The following ADAMTSL1 variants were observed in gnomAD, a reference collection of about 807,000 sequenced individuals.
ADAMTSL1 encodes ADAMTS like 1.
ADAMTSL1 carries 126 observed loss-of-function variants against 201.8 expected under a neutral mutation model. The observed-to-expected ratio is 0.62, with a 90% CI of 0.54 to 0.72. The LOEUF (loss-of-function observed/expected upper bound fraction) is 0.72, where lower values mean the gene tolerates loss of function less well. ADAMTSL1 is among the 30% of genes least tolerant of loss of function. The pLI, the probability that ADAMTSL1 is intolerant of heterozygous loss-of-function variation, is 0.00. For missense variants in ADAMTSL1, 2,679 were observed against 2,277.8 expected, an observed-to-expected ratio of 1.18 and a Z score of -3.59; for synonymous variants, 1,121 against 903.4, an observed-to-expected ratio of 1.24 and a Z score of -4.32.
intron 1 of ADAMTSL1, among the ~76,000 whole-genome samples, chr9:17,985,637 CTGAA>C (rs1253755026): frequency 6.6e-6 from 1 of 152,086 alleles, no homozygotes; most frequent in African/African-American, 2.4e-5. Flanking sequence ...AATTTTTACT[CTGAA>C]TGAGCAACTT....
chr9:18,885,746 A>G (rs925073408), intron 23 of ADAMTSL1, among the ~76,000 whole-genome samples: 1 of 152,160 alleles, frequency 6.6e-6, no homozygotes, highest in African/African-American at 2.4e-5. Flanking sequence ...AGGAAAAACA[A>G]AAATGAAGGG....
chr9:18,303,676 G>T (rs1234343268), intron 2 of ADAMTSL1, among the ~76,000 whole-genome samples: 1 of 152,200 alleles, frequency 6.6e-6, no homozygotes, highest in Non-Finnish European at 1.5e-5. Context: ...GCGCGGAAAG[G>T]CAGGGATGGG....
chr9:18,261,315 G>T (rs2132535160), intron 2 of ADAMTSL1, among the ~76,000 whole-genome samples: 1 of 152,162 alleles, frequency 6.6e-6, no homozygotes, highest in East Asian at 1.9e-4. Context: ...AATATCACAG[G>T]GATCCGTTTG....
In ADAMTSL1 at chr9:18,718,198, T is replaced by C. The variant is rs577711418; in HGVS notation, c.1877-3338T>C. On this transcript the variant is annotated intron_variant, in intron 14 of 28. Transcript: ENST00000380548. The stretch of plus-strand genomic sequence containing the variant: ...TCATACTTATTACCAACAAGAATCA[T>C]TGGAACATCATCAGTGTCTTTAACT... The C allele has an allele frequency of 1.6e-3, 1,264 of 780,252 alleles. 26 individuals carry two copies. Among genetic ancestry groups the C allele is most frequent in the South Asian group, 0.016 (1,168 of 73,480 alleles). 48.3% of individuals were successfully genotyped at this position (780,252 alleles called of 1,614,324 possible).
Position 18,807,520 on chromosome 9 carries a change from C to G in ADAMTSL1, c.3806-9589C>G, listed in dbSNP as rs183581344. ...ATTAGCCGGGCGCAGTGGCAGGCGC[C>G]TGTAGTCCCAGCTAGTCGGGAGCCT... On this transcript the variant is annotated intron_variant, in intron 20 of 28. Coordinates refer to ENST00000380548, the MANE Select transcript of ADAMTSL1 (RefSeq NM_001040272.6). 5.9e-5 allele frequency among the ~76,000 whole-genome samples: 9 copies of G among 152,244 alleles called. No individual in the cohort carries two copies. The East Asian group carries it at 1.7e-3, about 29-fold the overall frequency.
At position 18,048,280 on chromosome 9, in the gene ADAMTSL1, G is replaced by A. The variant is rs149266576; in HGVS notation, c.88-115582G>A. The stretch of plus-strand genomic sequence containing the variant: ...CTTTTGGTGGATCTATTCTGCTTAT[G>A]TTTCCTTTATATGAAATGCGTGAAT... On this transcript the variant is annotated intron_variant, in intron 1 of 29. Transcript: ENST00000680146. Among the ~76,000 whole-genome samples, 613 of 152,178 alleles carry A rather than the reference G, an allele frequency of 4.0e-3. 2 individuals carry two copies. Among genetic ancestry groups the A allele is most frequent in the Middle Eastern group, 0.017 (5 of 294 alleles).
chr9:18,019,271 G>A (rs1242943226), intron 1 of ADAMTSL1, among the ~76,000 whole-genome samples: 1 of 152,016 alleles, frequency 6.6e-6, no homozygotes, highest in Non-Finnish European at 1.5e-5. Context: ...TAATTTGGGG[G>A]AAGGATTGTT....
intron 2 of ADAMTSL1, among the ~76,000 whole-genome samples, chr9:18,418,525 T>C (rs1302308766): frequency 6.6e-6 from 1 of 152,152 alleles, no homozygotes; most frequent in Non-Finnish European, 1.5e-5. Context: ...GGTAGCAGGA[T>C]ACAAGATGAT....
intron 15 of ADAMTSL1, among the ~76,000 whole-genome samples, chr9:18,732,164 A>G (rs1215941566): frequency 2.6e-5 from 4 of 152,194 alleles, no homozygotes; most frequent in Admixed American, 1.3e-4. Context: ...TTACTTTTCT[A>G]TGCAGGAAAC....
intron 1 of ADAMTSL1, among the ~76,000 whole-genome samples, chr9:18,498,414 G>A (rs374696438): frequency 9.6e-5 from 14 of 145,336 alleles, no homozygotes; most frequent in African/African-American, 3.3e-4. Flanking sequence ...TCAGCTCACT[G>A]CAACCTTCAC....
intron 2 of ADAMTSL1, among the ~76,000 whole-genome samples, chr9:18,457,794 T>C (rs1204470527): frequency 6.6e-6 from 1 of 152,202 alleles, no homozygotes; most frequent in Non-Finnish European, 1.5e-5. Flanking sequence ...CCCCTAAGGA[T>C]GCAAAAAGAA....
chr9:18,090,591 G>A (rs1397100754), intron 1 of ADAMTSL1, among the ~76,000 whole-genome samples: 2 of 152,060 alleles, frequency 1.3e-5, no homozygotes, highest in Non-Finnish European at 2.9e-5. Context: ...GAGGCTTGGA[G>A]GAGATGGGAA....
At chr9:18,052,692 A>T (rs1821992310) in intron 1 of ADAMTSL1, among the ~76,000 whole-genome samples, 1 of 152,206 alleles carries the variant, frequency 6.6e-6, no homozygotes, top group Non-Finnish European at 1.5e-5. Flanking sequence ...TAGAAACTGT[A>T]TTAAAAACAG....
At chr9:18,139,700 A>G (rs1334356261) in intron 1 of ADAMTSL1, among the ~76,000 whole-genome samples, 1 of 152,220 alleles carries the variant, frequency 6.6e-6, no homozygotes, top group Non-Finnish European at 1.5e-5. Context: ...TTATATTTTA[A>G]CCTTATAAAC....
chr9:18,077,507 G>C (rs946685140), intron 1 of ADAMTSL1, among the ~76,000 whole-genome samples: 1 of 152,180 alleles, frequency 6.6e-6, no homozygotes, highest in Non-Finnish European at 1.5e-5. Flanking sequence ...TTGAGAAAAT[G>C]CATATCATGA....
chr9:18,073,355 G>C (rs1030410891), intron 1 of ADAMTSL1, among the ~76,000 whole-genome samples: 1 of 152,154 alleles, frequency 6.6e-6, no homozygotes, highest in Admixed American at 6.5e-5. Context: ...CTTTCTACTT[G>C]ATCGCATGGA....
rs766663610 is a variant in ADAMTSL1, at chr9:18,889,747, C to T, written c.4642C>T (p.Arg1548Trp). Reference sequence around the variant, plus strand: ...GTGCAACCGGAGAGACTGCCCTTCTCGGTGAGTGCAGCGGACACTGGCTCA... The same window carrying T: ...GTGCAACCGGAGAGACTGCCCTTCTTGGTGAGTGCAGCGGACACTGGCTCA... ...IACNRRDCPS[R>W]WMVTSWSACT... Residue 1548 changes from arginine to tryptophan, a missense_variant and splice_region_variant, in exon 25 of 29, where the codon CGG (arginine) becomes TGG (tryptophan). Physicochemically the swap from Arg to Trp is moderately radical, Grantham distance 101. Coordinates refer to ENST00000380548, the MANE Select transcript of ADAMTSL1 (RefSeq NM_001040272.6). 21 of 1,497,656 alleles carry T rather than the reference C, an allele frequency of 1.4e-5. No homozygotes were observed. Among genetic ancestry groups the T allele is most frequent in the Middle Eastern group, 2.2e-4 (1 of 4,644 alleles). The allele number at this position is 1,497,656 out of a possible 1,614,324, so 92.8% of individuals were successfully genotyped here.
intron 2 of ADAMTSL1, among the ~76,000 whole-genome samples, chr9:18,315,338 C>T (rs1055820772): frequency 6.6e-5 from 10 of 151,932 alleles, no homozygotes; most frequent in Non-Finnish European, 1.0e-4. Context: ...GCGCCAGGGT[C>T]GCAGGCGGAG....
chr9:18,561,706 C>G (rs1037677914), intron 3 of ADAMTSL1, among the ~76,000 whole-genome samples: 1 of 152,090 alleles, frequency 6.6e-6, no homozygotes, highest in Non-Finnish European at 1.5e-5. Flanking sequence ...TCTTGGTGCT[C>G]CTGAATTGGG....
Sources: gnomAD v4.1 joint callset for allele counts (sites outside exome capture counted in the v4.1 genomes callset) on GRCh38, gnomAD v4.1.1 for gene constraint, MANE v1.5 for transcripts, NCBI Gene and HGNC (gene_info 2026-07-23, HGNC 2026-07-21) for gene names.